Variants in BRD10 observed in about 807,000 individuals in gnomAD.
BRD10 encodes uncharacterized bromodomain-containing protein 10.
the BRD10 span, among the ~76,000 whole-genome samples, chr9:6,000,769 T>A: frequency 1.3e-5 from 2 of 152,216 alleles, no homozygotes; most frequent in African/African-American, 4.8e-5. Context: ...ATTAAGCATT[T>A]CAGCTTTTAA....
At chr9:5,953,019 A>C in the BRD10 span, among the ~76,000 whole-genome samples, 2 of 152,172 alleles carry the variant, frequency 1.3e-5, no homozygotes, top group African/African-American at 4.8e-5. Flanking sequence ...TATTTTCTTT[A>C]ACTGTTGATT....
At chr9:5,880,784 A>C in the BRD10 span, among the ~76,000 whole-genome samples, 35 of 150,842 alleles carry the variant, frequency 2.3e-4, no homozygotes, top group Non-Finnish European at 4.7e-4. Flanking sequence ...AGCTCACTGC[A>C]ACCTCCGCTT....
At chr9:5,881,870 T>G in the BRD10 span, among the ~76,000 whole-genome samples, 3 of 152,232 alleles carry the variant, frequency 2.0e-5, no homozygotes, top group African/African-American at 7.2e-5. Flanking sequence ...TTTAGTTCAC[T>G]GAGGCTCTAC....
the BRD10 span, among the ~76,000 whole-genome samples, chr9:5,979,340 C>T: frequency 2.6e-5 from 4 of 152,050 alleles, no homozygotes; most frequent in African/African-American, 9.7e-5. Context: ...ATAGTGAGAC[C>T]TCGTCTTTAC....
the BRD10 span, among the ~76,000 whole-genome samples, chr9:5,973,331 G>A: frequency 2.6e-5 from 4 of 152,140 alleles, no homozygotes; most frequent in Admixed American, 1.3e-4. Flanking sequence ...GCTGGGCGTA[G>A]TGGTACACGC....
the BRD10 span, among the ~76,000 whole-genome samples, chr9:5,905,874 T>A: frequency 6.6e-6 from 1 of 152,242 alleles, no homozygotes; most frequent in Non-Finnish European, 1.5e-5. Context: ...CCGGCCATGG[T>A]CATTCATATC....
At chr9:5,886,395 T>C in the BRD10 span, among the ~76,000 whole-genome samples, 1 of 152,234 alleles carries the variant, frequency 6.6e-6, no homozygotes, top group African/African-American at 2.4e-5. Flanking sequence ...GTTCACACTA[T>C]TGTTGCTAGG....
the BRD10 span, chr9:5,881,602 G>C: frequency 9.8e-5 from 15 of 152,348 alleles, no homozygotes; most frequent in Admixed American, 9.8e-4. Context: ...CTTGGTAGGA[G>C]TTATTGAAGG....
the BRD10 span, among the ~76,000 whole-genome samples, chr9:5,951,047 C>T: frequency 2.2e-5 from 3 of 138,132 alleles, no homozygotes; most frequent in Admixed American, 6.9e-5. Context: ...CACACACACA[C>T]ACACACACAC....
At chr9:5,952,022 T>TATTTATTC in the BRD10 span, among the ~76,000 whole-genome samples, 42 of 149,278 alleles carry the variant, frequency 2.8e-4, 1 homozygote, top group African/African-American at 9.9e-4. Flanking sequence ...TTTATTTATT[T>TATTTATTC]ATTTATTTAT....
At chr9:5,979,068 A>T in the BRD10 span, among the ~76,000 whole-genome samples, 1 of 152,234 alleles carries the variant, frequency 6.6e-6, no homozygotes, top group Admixed American at 6.5e-5. Flanking sequence ...TGTTATAGAG[A>T]ATATGAAAAT....
the BRD10 span, among the ~76,000 whole-genome samples, chr9:5,953,195 CTACTT>C: frequency 4.6e-5 from 7 of 152,204 alleles, no homozygotes; most frequent in South Asian, 4.1e-4. Flanking sequence ...ATTTTCATCT[CTACTT>C]GACTTGAGAC....
At chr9:5,904,714 C>T in the BRD10 span, among the ~76,000 whole-genome samples, 1 of 151,614 alleles carries the variant, frequency 6.6e-6, no homozygotes, top group Non-Finnish European at 1.5e-5. Flanking sequence ...GATCCACCCA[C>T]TTGGCCTCCC....
the BRD10 span, among the ~76,000 whole-genome samples, chr9:6,007,043 G>A: frequency 6.6e-6 from 1 of 152,034 alleles, no homozygotes; most frequent in African/African-American, 2.4e-5. Context: ...TCCGGTCCCC[G>A]CCCAGCGCCG....
the BRD10 span, chr9:5,924,612 T>C: frequency 8.3e-7 from 1 of 1,208,918 alleles, no homozygotes; most frequent in Non-Finnish European, 1.1e-6. Context: ...CAAAAACTTC[T>C]CTTTGTGCCT....
At chr9:5,911,659 C>G in the BRD10 span, among the ~76,000 whole-genome samples, 1 of 151,780 alleles carries the variant, frequency 6.6e-6, no homozygotes, top group African/African-American at 2.4e-5. Flanking sequence ...CTCAGCCTCC[C>G]GAGTAACTGG....
chr9:5,989,188 C>A, the BRD10 span, among the ~76,000 whole-genome samples: 1 of 129,006 alleles, frequency 7.8e-6, no homozygotes, highest in African/African-American at 2.9e-5. Flanking sequence ...GCCGAGATCA[C>A]ATCACTGCAC....
At chr9:5,943,745 C>G in the BRD10 span, among the ~76,000 whole-genome samples, 1,135 of 152,188 alleles carry the variant, frequency 7.5e-3, 15 homozygotes, top group African/African-American at 0.026. Context: ...AAAATATGCA[C>G]TTTTCCACAT....
chr9:5,893,206 G>T, the BRD10 span, among the ~76,000 whole-genome samples: 2 of 152,202 alleles, frequency 1.3e-5, no homozygotes, highest in African/African-American at 2.4e-5. Context: ...TTCAGCAAAT[G>T]TAAGTGCGGT....
Sources: gnomAD v4.1 joint callset for allele counts (sites outside exome capture counted in the v4.1 genomes callset) on GRCh38, gnomAD v4.1.1 for gene constraint, MANE v1.5 for transcripts, NCBI Gene and HGNC (gene_info 2026-07-23, HGNC 2026-07-21) for gene names.